ZNF407: variants seen among roughly 807,000 people sequenced by gnomAD.
ZNF407 encodes the protein zinc finger protein 407.
In ZNF407, 17 loss-of-function variants were observed where a neutral mutation model predicts 131.2. The observed-to-expected ratio is 0.13, with a 90% CI of 0.09 to 0.19. The LOEUF (loss-of-function observed/expected upper bound fraction) is 0.19, where lower values mean the gene tolerates loss of function less well. Among genes scored for constraint, ZNF407 ranks in the 10% least tolerant of loss-of-function variants. ZNF407 has a pLI of 1.00. For missense variants in ZNF407, 2,681 were observed against 2,830.6 expected (o/e 0.95, Z 1.20); for synonymous variants, 1,156 against 1,062.0 (o/e 1.09, Z -1.72).
intron 3 of ZNF407, among the ~76,000 whole-genome samples, chr18:74,760,180 A>G (rs1056409619): frequency 1.2e-4 from 18 of 152,154 alleles, no homozygotes; most frequent in African/African-American, 4.3e-4. Flanking sequence ...TTACTTTGAA[A>G]AGTGGAAGAC....
intron 4 of ZNF407, among the ~76,000 whole-genome samples, chr18:74,799,012 TC>T (rs1457720939): frequency 6.6e-6 from 1 of 152,138 alleles, no homozygotes; most frequent in Non-Finnish European, 1.5e-5. Flanking sequence ...GTAGTTAACA[TC>T]AAATCATAAT....
At chr18:74,873,486 A>G (rs979386200) in intron 4 of ZNF407, among the ~76,000 whole-genome samples, 5 of 152,242 alleles carry the variant, frequency 3.3e-5, no homozygotes, top group Non-Finnish European at 7.3e-5. Flanking sequence ...AACAACGCAC[A>G]TAGTAGTGAA....
At chr18:74,722,242 T>G (rs1018402764) in intron 3 of ZNF407, among the ~76,000 whole-genome samples, 1 of 152,198 alleles carries the variant, frequency 6.6e-6, no homozygotes, top group Admixed American at 6.5e-5. Context: ...CTTACTGTAC[T>G]TTTATTGGAA....
At chr18:74,956,085 T>C (rs1207337167) in intron 8 of ZNF407, among the ~76,000 whole-genome samples, 1 of 152,236 alleles carries the variant, frequency 6.6e-6, no homozygotes, top group Non-Finnish European at 1.5e-5. Context: ...CCACCCCTTT[T>C]ACTTCATCTT....
chr18:74,726,726 G>A (rs531242580), intron 3 of ZNF407, among the ~76,000 whole-genome samples: 1 of 152,118 alleles, frequency 6.6e-6, no homozygotes, highest in Admixed American at 6.5e-5. Flanking sequence ...ATGAATCATA[G>A]GTTACTAAAT....
intron 2 of ZNF407, among the ~76,000 whole-genome samples, chr18:74,636,751 G>A (rs1008690606): frequency 6.6e-6 from 1 of 152,194 alleles, no homozygotes; most frequent in African/African-American, 2.4e-5. Context: ...GGGGCAACCT[G>A]CATAAGATTA....
intron 3 of ZNF407, among the ~76,000 whole-genome samples, chr18:74,684,651 A>G (rs780498492): frequency 6.6e-6 from 1 of 152,242 alleles, no homozygotes; most frequent in African/African-American, 2.4e-5. Context: ...AGCACCTGAC[A>G]ATTAGAATGG....
Position 74,635,698 on chromosome 18 carries a change from C to T in ZNF407, c.4679C>T (p.Thr1560Ile). 1.3e-6 allele frequency: 2 copies of T among 1,585,526 alleles called. No homozygotes were observed. The highest frequency in any genetic ancestry group is 1.7e-6 in the Non-Finnish European group (2 of 1,165,628). Residue 1560 changes from threonine (T) to isoleucine (I), a missense_variant, in exon 2 of 9, where the codon ACT becomes ATT. Around this residue, in one of 6 missense-constraint regions of ZNF407, gnomAD observed 213 missense variants for 332.2 expected, o/e 0.64. Transcript: ENST00000299687. The surrounding 1 kb of genome is among the most constrained non-coding windows in gnomAD (Gnocchi z 4.7). Reference protein sequence around the residue: ...NSMAFLAHIRTHTGSKPFKCK... With the variant: ...NSMAFLAHIRIHTGSKPFKCK... ...ATGGCCTTCCTGGCACACATTCGCA[C>T]TCACACAGGTATGTAGCTCTGCAGC...
chr18:74,636,377 G>C (rs1378228967), intron 2 of ZNF407, among the ~76,000 whole-genome samples: 1 of 152,062 alleles, frequency 6.6e-6, no homozygotes, highest in South Asian at 2.1e-4. Flanking sequence ...ATAAGCTACT[G>C]TTCTAAATTT....
intron 8 of ZNF407, among the ~76,000 whole-genome samples, chr18:74,934,222 T>C (rs1479924875): frequency 1.3e-5 from 2 of 152,230 alleles, no homozygotes; most frequent in Non-Finnish European, 2.9e-5. Flanking sequence ...TGGTTTCGTG[T>C]TTGTGAAGGA....
chr18:74,669,987 A>G (rs1439191757), intron 3 of ZNF407, among the ~76,000 whole-genome samples: 2 of 152,174 alleles, frequency 1.3e-5, no homozygotes, highest in African/African-American at 2.4e-5. Context: ...TGAGAGAGCG[A>G]TAGCTTCAGG....
chr18:74,821,581 A>C (rs909916701), intron 4 of ZNF407, among the ~76,000 whole-genome samples: 3 of 152,028 alleles, frequency 2.0e-5, no homozygotes, highest in African/African-American at 7.3e-5. Flanking sequence ...TCATCCATGT[A>C]CCTGCACAGG....
chr18:74,927,442 A>G (rs1034848143), intron 8 of ZNF407, among the ~76,000 whole-genome samples: 9 of 152,218 alleles, frequency 5.9e-5, no homozygotes, highest in African/African-American at 2.2e-4. Flanking sequence ...TAAAAACACC[A>G]TGGTAAATGT....
intron 4 of ZNF407, among the ~76,000 whole-genome samples, chr18:74,841,423 G>A (rs778363873): frequency 1.3e-5 from 2 of 152,002 alleles, no homozygotes; most frequent in Admixed American, 6.6e-5. Context: ...AGTGAGGCCC[G>A]TCCTTACTGT....
chr18:74,945,131 G>T (rs1972140998), intron 8 of ZNF407, among the ~76,000 whole-genome samples: 1 of 152,156 alleles, frequency 6.6e-6, no homozygotes, highest in Non-Finnish European at 1.5e-5. Context: ...CCGGGTAGAA[G>T]TGTATCAAAA....
At chr18:74,898,281 T>C (rs1001007625) in intron 7 of ZNF407, 1 of 152,242 alleles carries the variant, frequency 6.6e-6, no homozygotes, top group Non-Finnish European at 1.5e-5. Context: ...TTATATCTTT[T>C]ATAAATTTTA....
intron 4 of ZNF407, among the ~76,000 whole-genome samples, chr18:74,841,357 G>C (rs1302114463): frequency 2.0e-5 from 3 of 152,026 alleles, no homozygotes; most frequent in Admixed American, 2.0e-4. Flanking sequence ...TTACCACCAG[G>C]TCACCCTCAC....
At position 74,633,674 on chromosome 18, in the gene ZNF407, G is replaced by A; in HGVS notation, c.2655G>A (p.Lys885=). ...ATAGTTATTTATGCAAAGTGTGTAA[G>A]TATTACACTGTAACTAAGGGAGATA... The part of the protein sequence containing the change: ...HQYSYLCKVC[K]YYTVTKGDME... Residue 885 remains lysine, a synonymous_variant, in exon 2 of 9, where the codon AAG becomes AAA. Coordinates refer to ENST00000299687, the MANE Select transcript of ZNF407 (RefSeq NM_017757.3). The A allele has an allele frequency of 2.5e-6, 4 of 1,614,020 alleles. No individual in the cohort carries two copies.
At chr18:74,664,391 AG>A (rs1985845758) in intron 3 of ZNF407, among the ~76,000 whole-genome samples, 1 of 152,124 alleles carries the variant, frequency 6.6e-6, no homozygotes, top group Non-Finnish European at 1.5e-5. Flanking sequence ...GCTACTAGGG[AG>A]GCTGAGGAAG....
Sources: allele counts gnomAD v4.1 joint callset (sites outside exome capture counted in the v4.1 genomes callset), GRCh38; gene constraint gnomAD v4.1.1; regional missense constraint gnomAD v4.1.1; non-coding constraint Gnocchi (gnomAD v3.1); transcripts MANE v1.5; gene names NCBI Gene and HGNC (gene_info 2026-07-23, HGNC 2026-07-21).